Variants in FABP7 observed in about 807,000 individuals in gnomAD.
FABP7 encodes the protein fatty acid binding protein 7.
FABP7 carries 13 observed loss-of-function variants against 14.2 expected under a neutral mutation model. The observed-to-expected ratio is 0.91, with a 90% CI of 0.59 to 1.45. The LOEUF is 1.45. Among genes scored for constraint, FABP7 ranks in the 40% most tolerant of loss-of-function variants. The pLI, the probability that FABP7 is intolerant of heterozygous loss-of-function variation, is 0.00. For missense variants in FABP7, 149 were observed against 157.6 expected (o/e 0.95, Z 0.29); for synonymous variants, 49 against 51.4 (o/e 0.95, Z 0.20).
chr6:122,779,666 T>C, upstream of FABP7: 1 of 777,382 alleles, frequency 1.3e-6, no homozygotes, highest in Non-Finnish European at 2.1e-6. Flanking sequence ...ATCACTGGAT[T>C]TTTGCCCACC....
chr6:122,767,234 AT>A, the FABP7 span, among the ~76,000 whole-genome samples: 1 of 152,102 alleles, frequency 6.6e-6, no homozygotes. Flanking sequence ...TTTTTTATGG[AT>A]GATAATAAAA....
At chr6:122,767,121 A>T in the FABP7 span, among the ~76,000 whole-genome samples, 46 of 152,228 alleles carry the variant, frequency 3.0e-4, no homozygotes, top group African/African-American at 1.1e-3. Flanking sequence ...CTACATATGT[A>T]AAAAAGTATA....
At chr6:122,751,718 C>T in the FABP7 span, among the ~76,000 whole-genome samples, 4 of 152,172 alleles carry the variant, frequency 2.6e-5, no homozygotes, top group Admixed American at 1.3e-4. Flanking sequence ...GAGGTACAAA[C>T]GCTTCAACCC....
intron 3 of FABP7, chr6:122,783,241 T>A (rs1780839649): frequency 1.0e-6 from 1 of 985,348 alleles, no homozygotes; most frequent in East Asian, 1.1e-4. Context: ...AGGAGAATAT[T>A]TGTACCTTTA....
At chr6:122,775,505 A>G (rs1780656666), upstream of FABP7, among the ~76,000 whole-genome samples, 1 of 152,134 alleles carries the variant, frequency 6.6e-6, no homozygotes, top group African/African-American at 2.4e-5. Context: ...GTGTGTGAAA[A>G]TCCAATTAAA....
chr6:122,757,243 T>C, the FABP7 span, among the ~76,000 whole-genome samples: 1 of 152,264 alleles, frequency 6.6e-6, no homozygotes, highest in South Asian at 2.1e-4. Context: ...ATCCAATTTT[T>C]TCTCTTGGTC....
the FABP7 span, among the ~76,000 whole-genome samples, chr6:122,762,992 C>G: frequency 6.6e-6 from 1 of 152,134 alleles, no homozygotes; most frequent in African/African-American, 2.4e-5. Context: ...ATTGCCATCC[C>G]CATCAAGCTA....
the FABP7 span, among the ~76,000 whole-genome samples, chr6:122,765,818 T>C: frequency 6.6e-6 from 1 of 152,094 alleles, no homozygotes; most frequent in Non-Finnish European, 1.5e-5. Flanking sequence ...TTCTACCTAC[T>C]GATATGCCAA....
chr6:122,761,020 T>G, the FABP7 span, among the ~76,000 whole-genome samples: 1 of 152,202 alleles, frequency 6.6e-6, no homozygotes, highest in Non-Finnish European at 1.5e-5. Flanking sequence ...ATCTGTGAAC[T>G]CAAACATAAC....
At chr6:122,783,036 C>T (rs929232601) in intron 3 of FABP7, 98 of 985,248 alleles carry the variant, frequency 9.9e-5, no homozygotes, top group Non-Finnish European at 1.2e-4. Context: ...CAATAGACTA[C>T]AAGGATATAC....
the FABP7 span, among the ~76,000 whole-genome samples, chr6:122,768,206 T>G: frequency 3.9e-5 from 6 of 152,102 alleles, 1 homozygote; most frequent in African/African-American, 1.4e-4. Context: ...ATTGAAACTC[T>G]GTCAATATTA....
At chr6:122,775,687 C>CACA (rs200652589), upstream of FABP7, among the ~76,000 whole-genome samples, 21 of 108,286 alleles carry the variant, frequency 1.9e-4, no homozygotes, top group Admixed American at 8.0e-4. Flanking sequence ...AAAACCTCTT[C>CACA]ACAACAACAA....
chr6:122,760,505 T>G, the FABP7 span, among the ~76,000 whole-genome samples: 1 of 152,142 alleles, frequency 6.6e-6, no homozygotes, highest in South Asian at 2.1e-4. Context: ...TCTTGCTCTT[T>G]GATTTCTCTT....
chr6:122,782,962 T>C, intron 3 of FABP7: 1 of 985,432 alleles, frequency 1.0e-6, no homozygotes. Flanking sequence ...GAAAAGTAGA[T>C]AGCTCAACCG....
At chr6:122,760,723 C>G in the FABP7 span, among the ~76,000 whole-genome samples, 1 of 151,956 alleles carries the variant, frequency 6.6e-6, no homozygotes, top group Admixed American at 6.6e-5. Flanking sequence ...TTTTTACAAA[C>G]AGCAAATATC....
chr6:122,770,993 A>C, the FABP7 span, among the ~76,000 whole-genome samples: 3 of 152,292 alleles, frequency 2.0e-5, no homozygotes. Flanking sequence ...AGATTTCAAA[A>C]TGTAAGTAAG....
chr6:122,781,382 T>C (rs150950285), intron 3 of FABP7, 188 bp downstream of exon 3: 2 of 1,447,650 alleles, frequency 1.4e-6, no homozygotes. Flanking sequence ...GTTAATTTTC[T>C]TCTTCAGCTC....
the FABP7 span, among the ~76,000 whole-genome samples, chr6:122,773,039 C>T: frequency 1.3e-5 from 2 of 152,074 alleles, no homozygotes; most frequent in African/African-American, 4.8e-5. Context: ...ACCTGGTGGC[C>T]ATCAAGCAGA....
the FABP7 span, among the ~76,000 whole-genome samples, chr6:122,761,839 C>T: frequency 6.6e-6 from 1 of 152,036 alleles, no homozygotes; most frequent in African/African-American, 2.4e-5. Flanking sequence ...AATTTTAACT[C>T]AATTCTTTTC....
Sources: gnomAD v4.1 joint callset for allele counts (sites outside exome capture counted in the v4.1 genomes callset) on GRCh38, gnomAD v4.1.1 for gene constraint, MANE v1.5 for transcripts, NCBI Gene and HGNC (gene_info 2026-07-23, HGNC 2026-07-21) for gene names.